UBASH3B: variants seen among roughly 807,000 people sequenced by gnomAD.
The protein encoded by UBASH3B is ubiquitin-associated and SH3 domain-containing protein B.
Under a neutral mutation model 83.4 loss-of-function variants are expected in UBASH3B, and 37 were observed. The ratio of observed to expected loss-of-function variants is 0.44; its 90% confidence interval spans 0.34 to 0.58. The LOEUF is 0.58. Among genes scored for constraint, UBASH3B ranks in the 20% least tolerant of loss-of-function variants. UBASH3B has a pLI of 0.01. For synonymous variants in UBASH3B, 304 were observed against 318.3 expected (o/e 0.96, Z 0.48); for missense variants, 657 against 827.2 (o/e 0.79, Z 2.52).
chr11:122,692,535 C>A (rs1438858994), intron 1 of UBASH3B, among the ~76,000 whole-genome samples: 1 of 152,116 alleles, frequency 6.6e-6, no homozygotes, highest in Non-Finnish European at 1.5e-5. Flanking sequence ...ATGGTGGGAA[C>A]AGAGAGGAAG....
intron 10 of UBASH3B, among the ~76,000 whole-genome samples, chr11:122,800,938 C>CT (rs1162239167): frequency 2.0e-5 from 3 of 152,134 alleles, no homozygotes; most frequent in African/African-American, 7.2e-5. Flanking sequence ...TGAGCTGTGG[C>CT]TTTTTTCCTG....
intron 1 of UBASH3B, among the ~76,000 whole-genome samples, chr11:122,712,258 C>A (rs1055309115): frequency 6.6e-6 from 1 of 152,092 alleles, no homozygotes; most frequent in African/African-American, 2.4e-5. Flanking sequence ...GAGCACTATA[C>A]GGATGCAGAT....
intron 1 of UBASH3B, among the ~76,000 whole-genome samples, chr11:122,682,215 A>T (rs754126465): frequency 3.3e-5 from 5 of 152,170 alleles, no homozygotes; most frequent in Non-Finnish European, 5.9e-5. Flanking sequence ...TAATTATAAT[A>T]GTTTTCATTT....
At chr11:122,721,334 T>C (rs978054269) in intron 1 of UBASH3B, among the ~76,000 whole-genome samples, 1 of 151,612 alleles carries the variant, frequency 6.6e-6, no homozygotes, top group Non-Finnish European at 1.5e-5. Context: ...CTTTATGGAA[T>C]TCTGTTCACT....
chr11:122,800,661 TG>T (rs1359279891), intron 10 of UBASH3B, among the ~76,000 whole-genome samples: 1 of 151,880 alleles, frequency 6.6e-6, no homozygotes, highest in Non-Finnish European at 1.5e-5. Flanking sequence ...AAGGCTGGAG[TG>T]CAGCTGCACA....
At position 122,695,782 on chromosome 11, in the gene UBASH3B, C is replaced by T. The variant is rs191732766; in HGVS notation, c.161+39572C>T. Among the ~76,000 whole-genome samples the T allele has an allele frequency of 1.4e-4, 21 of 152,218 alleles. No homozygotes were observed. The East Asian group carries it at 3.9e-3, about 28-fold the overall frequency. ...AAAGAACTGCCTTGCAGCATTTTTG[C>T]ATCAACACATTGATTCCTACATCCC... On this transcript the variant is annotated intron_variant, in intron 1 of 13. Transcript: ENST00000284273.
chr11:122,666,223 T>C (rs975281945), intron 1 of UBASH3B, among the ~76,000 whole-genome samples: 1 of 152,224 alleles, frequency 6.6e-6, no homozygotes, highest in Non-Finnish European at 1.5e-5. Context: ...ACGTTGATGG[T>C]GCGCCTTTCA....
At chr11:122,725,259 C>T (rs1301533005) in intron 1 of UBASH3B, among the ~76,000 whole-genome samples, 1 of 148,784 alleles carries the variant, frequency 6.7e-6, no homozygotes, top group African/African-American at 2.5e-5. Flanking sequence ...TGTGAGCCAC[C>T]GTGCCCGGCC....
intron 1 of UBASH3B, among the ~76,000 whole-genome samples, chr11:122,680,082 C>T (rs372301668): frequency 8.5e-5 from 13 of 152,132 alleles, no homozygotes; most frequent in African/African-American, 2.4e-4. Context: ...CCATCCGCCT[C>T]GGCCTCCCAA....
intron 1 of UBASH3B, among the ~76,000 whole-genome samples, chr11:122,737,970 A>G (rs548411929): frequency 3.9e-5 from 6 of 152,210 alleles, no homozygotes; most frequent in Non-Finnish European, 1.5e-5. Flanking sequence ...AAGTGCCTGT[A>G]GAGAAGTCAG....
chr11:122,801,398 C>T (rs1861257043), intron 11 of UBASH3B, 66 bp downstream of exon 11: 1 of 1,579,068 alleles, frequency 6.3e-7, no homozygotes, highest in Non-Finnish European at 8.6e-7. Context: ...AGCACTAGGC[C>T]AGGTTCAGGA....
At chr11:122,708,773 A>G (rs1308258708) in intron 1 of UBASH3B, among the ~76,000 whole-genome samples, 1 of 152,160 alleles carries the variant, frequency 6.6e-6, no homozygotes, top group Non-Finnish European at 1.5e-5. Context: ...GCCATGTAAT[A>G]TGGGGCAAGT....
rs150658083 is a variant in UBASH3B, at chr11:122,764,847, C to T, written c.162-11372C>T. 1.7e-3 allele frequency among the ~76,000 whole-genome samples: 253 copies of T among 152,282 alleles called. 2 individuals are homozygous for T. Among genetic ancestry groups the T allele is most frequent in the African/African-American group, 6.0e-3 (248 of 41,556 alleles). On this transcript the variant is annotated intron_variant, in intron 1 of 13. Coordinates refer to ENST00000284273, the MANE Select transcript of UBASH3B (RefSeq NM_032873.5). ...TCCTCACACCCAACTGCTCTGCACA[C>T]GGAGTAGACTCCATTCCTGGAACCA...
rs187707539 is a variant in UBASH3B, at chr11:122,677,170, A to G, written c.161+20960A>G. 3.2e-4 allele frequency among the ~76,000 whole-genome samples: 48 copies of G among 152,312 alleles called. No homozygotes were observed. In the East Asian group the frequency reaches 6.4e-3, roughly 20 times the overall value. Reference sequence around the variant, plus strand: ...TATAACAACTATTTACATAGCTTCTATGTTGTAATCGGTATTATAAGTAAC... The same window carrying G: ...TATAACAACTATTTACATAGCTTCTGTGTTGTAATCGGTATTATAAGTAAC... On this transcript the variant is annotated intron_variant, in intron 1 of 13. Transcript: ENST00000284273.
rs1386143778 is a variant in UBASH3B at position 122,783,103 on chromosome 11, C to A, written c.652C>A (p.His218Asn). The A allele has an allele frequency of 6.2e-7, 1 of 1,614,124 alleles. No homozygotes were observed. The highest frequency in any genetic ancestry group is 1.7e-5 in the Admixed American group (1 of 60,020). Reference protein sequence around the residue: ...KKQLHVTLAYHFQASHLPTLE... With the variant: ...KKQLHVTLAYNFQASHLPTLE... ...GCAGCTACATGTGACCCTGGCTTAC[C>A]ACTTCCAAGCCAGCCACCTACCCAC... The change falls in exon 5 of 14, where the codon CAC becomes AAC. Residue 218 changes from histidine to asparagine, a missense_variant. Physicochemically the swap from His to Asn is moderately conservative, Grantham distance 68. Around this residue, in one of 3 missense-constraint regions of UBASH3B, gnomAD observed 573 missense variants for 739.0 expected, o/e 0.78. Transcript: ENST00000284273.
At chr11:122,659,788 T>G (rs533347884) in intron 1 of UBASH3B, among the ~76,000 whole-genome samples, 1 of 152,302 alleles carries the variant, frequency 6.6e-6, no homozygotes, top group South Asian at 2.1e-4. Flanking sequence ...TAGCCAGGGC[T>G]GACAGCTCTA....
In UBASH3B at chr11:122,655,759, G is replaced by C; in HGVS notation, c.-291G>C. ...CGGACTGCTAGGCGAGGAGAGGGAA[G>C]GGGGCGGAGGAGACAGGGCTACTGC... On this transcript the variant is annotated 5_prime_UTR_variant, in exon 1 of 14. Transcript: ENST00000284273. 2.8e-6 allele frequency: 1 copy of C among 356,020 alleles called. No homozygotes were observed. The highest frequency in any genetic ancestry group is 5.1e-6 in the Non-Finnish European group (1 of 197,638). 22.1% of individuals were successfully genotyped at this position (356,020 alleles called of 1,614,324 possible). A position where few individuals can be genotyped will look rare whatever the true frequency, so the allele number is the denominator to read the frequency against.
At chr11:122,669,937 T>C (rs1463307699) in intron 1 of UBASH3B, among the ~76,000 whole-genome samples, 3 of 152,326 alleles carry the variant, frequency 2.0e-5, no homozygotes, top group African/African-American at 7.2e-5. Context: ...ATGTAGCTAG[T>C]GTTCATGAAG....
intron 5 of UBASH3B, among the ~76,000 whole-genome samples, chr11:122,784,488 T>C (rs533478931): frequency 6.6e-6 from 1 of 152,310 alleles, no homozygotes; most frequent in African/African-American, 2.4e-5. Flanking sequence ...AGTGAGACTG[T>C]ATCTCTACCC....
Sources: gnomAD v4.1 joint callset for allele counts (sites outside exome capture counted in the v4.1 genomes callset) on GRCh38, gnomAD v4.1.1 for gene constraint, gnomAD v4.1.1 regional missense constraint, MANE v1.5 for transcripts, NCBI Gene and HGNC (gene_info 2026-07-23, HGNC 2026-07-21) for gene names.